Variants in WDPCP observed in about 807,000 individuals in gnomAD.
WDPCP encodes the protein WD repeat-containing and planar cell polarity effector protein fritz homolog.
In WDPCP, 71 loss-of-function variants were observed where a neutral mutation model predicts 93.1. The ratio of observed to expected loss-of-function variants is 0.76; its 90% CI spans 0.63 to 0.93. The LOEUF (loss-of-function observed/expected upper bound fraction) is 0.93. WDPCP is among the 40% of genes least tolerant of loss of function. The probability of loss-of-function intolerance (pLI) is 0.00; values close to 1 mark genes in which losing one functional copy is unlikely to be tolerated. For synonymous variants in WDPCP, 315 were observed against 315.0 expected (o/e 1.00, Z 0.00); for missense variants, 844 against 887.4 (o/e 0.95, Z 0.62).
At position 63,340,478 on chromosome 2, in the gene WDPCP, A is replaced by AT. The variant is rs199685740; in HGVS notation, c.1749-27168dup. 5.1e-4 allele frequency among the ~76,000 whole-genome samples: 78 copies of AT among 152,252 alleles called. No homozygotes were observed. The East Asian group carries it at 0.014, about 27-fold the overall frequency. ...ACTCTGTCTCTGCCTCTCCTAAGGG[A>AT]TATTTCTTCATTTAAGCAGTCATGA... On this transcript the variant is annotated intron_variant, in intron 12 of 17. Transcript: ENST00000272321.
upstream of WDPCP, chr2:63,589,369 T>G (rs1457452135): frequency 1.3e-6 from 2 of 1,550,608 alleles, no homozygotes; most frequent in South Asian, 2.4e-5. Context: ...TTACGGTGTT[T>G]GATAAGGACG....
rs1669467366 is a variant in WDPCP, at chr2:63,120,004, T to C, written c.*2002A>G. ...ACTTTAAGAACTATGATTTGTTTAA[T>C]TTTCACCTACATAACTGGCAAACAT... On this transcript the variant is annotated 3_prime_UTR_variant, in exon 18 of 18. Coordinates refer to ENST00000272321, the MANE Select transcript of WDPCP (RefSeq NM_015910.7). Among the ~76,000 whole-genome samples the C allele has an allele frequency of 1.3e-5, 2 of 152,302 alleles. No homozygotes were observed. The highest frequency in any genetic ancestry group is 4.8e-5 in the African/African-American group (2 of 41,574).
intron 2 of WDPCP, among the ~76,000 whole-genome samples, chr2:63,697,545 C>G (rs1369531226): frequency 1.3e-5 from 2 of 152,170 alleles, no homozygotes; most frequent in Non-Finnish European, 2.9e-5. Flanking sequence ...GTTGTGTTGC[C>G]TGCCATGGTG....
upstream of WDPCP, among the ~76,000 whole-genome samples, chr2:63,828,401 C>T (rs150682641): frequency 8.1e-3 from 1,238 of 152,202 alleles, 19 homozygotes; most frequent in African/African-American, 0.024. Flanking sequence ...TTAAATAAAA[C>T]TTAGTACTAC....
intron 12 of WDPCP, among the ~76,000 whole-genome samples, chr2:63,332,668 G>A (rs1248876024): frequency 6.6e-6 from 1 of 152,148 alleles, no homozygotes; most frequent in Non-Finnish European, 1.5e-5. Context: ...CATATATTGA[G>A]AATATTCTCA....
chr2:63,784,605 T>C (rs1473955217), intron 2 of WDPCP, among the ~76,000 whole-genome samples: 1 of 151,498 alleles, frequency 6.6e-6, no homozygotes, highest in African/African-American at 2.4e-5. Flanking sequence ...TGTGTGTGAA[T>C]ATGAAACTTC....
At chr2:63,706,707 C>T (rs1329389023) in intron 2 of WDPCP, among the ~76,000 whole-genome samples, 2 of 143,716 alleles carry the variant, frequency 1.4e-5, no homozygotes, top group Non-Finnish European at 1.5e-5. Flanking sequence ...AGCTCCGCTT[C>T]CCGGGTTCAC....
At chr2:63,677,062 A>T (rs564544011) in intron 2 of WDPCP, among the ~76,000 whole-genome samples, 5 of 152,308 alleles carry the variant, frequency 3.3e-5, no homozygotes, top group African/African-American at 1.2e-4. Context: ...TTCACTCCAG[A>T]TCAGTTGAAT....
At chr2:63,504,460 A>G (rs1271429334) in intron 1 of WDPCP, among the ~76,000 whole-genome samples, 1 of 151,670 alleles carries the variant, frequency 6.6e-6, no homozygotes, top group African/African-American at 2.4e-5. Context: ...CCATAAATCA[A>G]CTCTGAGAGA....
intron 2 of WDPCP, among the ~76,000 whole-genome samples, chr2:63,735,131 A>C (rs1422578727): frequency 6.6e-6 from 1 of 152,232 alleles, no homozygotes; most frequent in Non-Finnish European, 1.5e-5. Flanking sequence ...CATGAAAATG[A>C]GTATCTAGTG....
intron 6 of WDPCP, among the ~76,000 whole-genome samples, chr2:63,476,203 G>A (rs754576471): frequency 6.6e-6 from 1 of 151,988 alleles, no homozygotes; most frequent in Non-Finnish European, 1.5e-5. Flanking sequence ...ATGGTACTCC[G>A]CAATATGAAA....
chr2:63,798,817 T>C (rs1670649945), intron 2 of WDPCP, among the ~76,000 whole-genome samples: 1 of 152,110 alleles, frequency 6.6e-6, no homozygotes, highest in Non-Finnish European at 1.5e-5. Flanking sequence ...CAGTGATCCG[T>C]TGCCTCTAAG....
intron 2 of WDPCP, among the ~76,000 whole-genome samples, chr2:63,750,472 A>G (rs2103880855): frequency 6.6e-6 from 1 of 152,154 alleles, no homozygotes; most frequent in South Asian, 2.1e-4. Context: ...TTTTACTTCA[A>G]GTTTTTATTC....
intron 2 of WDPCP, among the ~76,000 whole-genome samples, chr2:63,653,480 C>T (rs1458314285): frequency 6.6e-6 from 1 of 152,078 alleles, no homozygotes; most frequent in Non-Finnish European, 1.5e-5. Flanking sequence ...AACTCCCTGA[C>T]AAAAATCCTT....
intron 14 of WDPCP, among the ~76,000 whole-genome samples, chr2:63,178,008 C>T (rs1182120051): frequency 6.6e-6 from 1 of 152,064 alleles, no homozygotes; most frequent in African/African-American, 2.4e-5. Context: ...ATCTTTCATT[C>T]TGTTAATGTG....
chr2:63,575,388 CGGTATATACAG>C lies in WDPCP; in HGVS notation c.75+12798_75+12808del, dbSNP rs1450139435. ...ATATACAGTATATACAGTATATACA[CGGTATATACAG>C]TATATATACAGTATATACACTGTAT... On this transcript the variant is annotated intron_variant, in intron 1 of 17. Transcript: ENST00000272321. Among the ~76,000 whole-genome samples, 67 of 110,352 alleles carry C rather than the reference CGGTATATACAG, an allele frequency of 6.1e-4. 1 individual carries two copies. The highest frequency in any genetic ancestry group is 2.3e-3 in the African/African-American group (65 of 28,116). 72.4% of individuals were successfully genotyped at this position (110,352 alleles called of 152,430 possible). A position where few individuals can be genotyped will look rare whatever the true frequency, so the allele number is the denominator to read the frequency against.
At chr2:63,833,507 A>T in the WDPCP span, among the ~76,000 whole-genome samples, 1 of 152,310 alleles carries the variant, frequency 6.6e-6, no homozygotes, top group African/African-American at 2.4e-5. Flanking sequence ...AACACCAATA[A>T]ATTAAAACCA....
chr2:63,142,974 A>T (rs1337765229), intron 17 of WDPCP, among the ~76,000 whole-genome samples: 1 of 151,906 alleles, frequency 6.6e-6, no homozygotes, highest in South Asian at 2.1e-4. Context: ...ATATTTTGAG[A>T]CAGAGTTTTG....
chr2:63,269,037 T>A (rs1390584183), intron 13 of WDPCP, among the ~76,000 whole-genome samples: 2 of 152,182 alleles, frequency 1.3e-5, no homozygotes, highest in Non-Finnish European at 2.9e-5. Flanking sequence ...CTTTTTTTTT[T>A]ATTTGTTGGC....
Sources: gnomAD v4.1 joint callset for allele counts (sites outside exome capture counted in the v4.1 genomes callset) on GRCh38, gnomAD v4.1.1 for gene constraint, MANE v1.5 for transcripts, NCBI Gene and HGNC (gene_info 2026-07-23, HGNC 2026-07-21) for gene names.